The following PDE6B variants were observed in gnomAD, a reference collection of about 807,000 sequenced individuals.
The protein encoded by PDE6B is rod cGMP-specific 3',5'-cyclic phosphodiesterase subunit beta.
In PDE6B, 106 loss-of-function variants were observed where a neutral mutation model predicts 109.0. The observed-to-expected ratio is 0.97, with a 90% CI of 0.83 to 1.14. PDE6B has a LOEUF of 1.14. Among genes scored for constraint, PDE6B ranks in the 50% most tolerant of loss-of-function variants. PDE6B has a pLI of 0.00. For synonymous variants in PDE6B, 490 were observed against 471.3 expected, an observed-to-expected ratio of 1.04 and a Z score of -0.51; for missense variants, 1,193 against 1,155.6, an observed-to-expected ratio of 1.03 and a Z score of -0.47.
chr4:662,426 G>A lies in PDE6B; in HGVS notation c.1723-83G>A, dbSNP rs559505884. On this transcript the variant is annotated intron_variant, in intron 13 of 21. Transcript: ENST00000496514. This position sits in a 1 kb window ranked among gnomAD's most constrained non-coding sequence, Gnocchi z 4.3. ...TGGTCGGAGGTCCAACCTCCAACCC[G>A]ACGCCTAGGTCATCCCAACCCCTCA... 12 of 1,014,056 alleles carry A rather than the reference G, an allele frequency of 1.2e-5. No individual in the cohort carries two copies. The highest frequency in any genetic ancestry group is 2.2e-4 in the Middle Eastern group (1 of 4,648). The allele number at this position is 1,014,056 out of a possible 1,614,324, so 62.8% of individuals were successfully genotyped here. A position where few individuals can be genotyped will look rare whatever the true frequency, so the allele number is the denominator to read the frequency against.
At chr4:642,065 T>C (rs749825041) in intron 3 of PDE6B, among the ~76,000 whole-genome samples, 2 of 152,240 alleles carry the variant, frequency 1.3e-5, no homozygotes, top group Non-Finnish European at 2.9e-5. Flanking sequence ...TCTTGCCTTA[T>C]TGCACTAGCT....
intron 1 of PDE6B, among the ~76,000 whole-genome samples, chr4:629,854 G>A (rs1047303508): frequency 6.6e-6 from 1 of 152,180 alleles, no homozygotes; most frequent in Non-Finnish European, 1.5e-5. Context: ...CCAGAGCGAG[G>A]CCCAGCTGCT....
chr4:662,691 C>A lies in PDE6B; in HGVS notation c.1832+73C>A. On this transcript the variant is annotated intron_variant, in intron 14 of 21. Coordinates refer to ENST00000496514, the MANE Select transcript of PDE6B (RefSeq NM_000283.4). The surrounding 1 kb of genome is among the most constrained non-coding windows in gnomAD (Gnocchi z 4.3). The stretch of plus-strand genomic sequence containing the variant: ...CGCCCTTGGCGTGAATTAGGCTTCG[C>A]ATAGCAGGCTATGTAGAAAGTGGAG... The A allele has an allele frequency of 1.0e-6, 1 of 966,950 alleles. No homozygotes were observed. Among genetic ancestry groups the A allele is most frequent in the South Asian group, 1.3e-5 (1 of 77,154 alleles). The allele number at this position is 966,950 out of a possible 1,614,324, so 59.9% of individuals were successfully genotyped here.
At chr4:647,202 C>G (rs976627892) in intron 3 of PDE6B, among the ~76,000 whole-genome samples, 5 of 152,036 alleles carry the variant, frequency 3.3e-5, no homozygotes, top group African/African-American at 4.8e-5. Context: ...TTCCCAACTT[C>G]GTGTCACATC....
intron 20 of PDE6B, among the ~76,000 whole-genome samples, chr4:667,231 A>C (rs1288212339): frequency 6.6e-6 from 1 of 151,978 alleles, no homozygotes; most frequent in Non-Finnish European, 1.5e-5. Flanking sequence ...TGGTGATGGA[A>C]TCCACGCCCC....
intron 3 of PDE6B, 112 bp from the exon 4 acceptor site, chr4:653,740 T>G (rs1735822114): frequency 8.4e-7 from 1 of 1,195,790 alleles, no homozygotes; most frequent in Admixed American, 1.7e-5. Context: ...GGGCAGGTGG[T>G]CAGATCAGGG....
chr4:659,578 TGTGTGC>T (rs1736793284), intron 11 of PDE6B, among the ~76,000 whole-genome samples: 2 of 151,408 alleles, frequency 1.3e-5, no homozygotes, highest in African/African-American at 4.9e-5. Flanking sequence ...TGTGGGTGTG[TGTGTGC>T]ACATGTGGGT....
rs115062305 is a variant in PDE6B, at chr4:658,179, G to T, written c.1401+685G>T. 8.9e-3 allele frequency among the ~76,000 whole-genome samples: 1,238 copies of T among 139,552 alleles called. 27 individuals carry two copies. Among genetic ancestry groups the T allele is most frequent in the African/African-American group, 0.032 (1,181 of 36,802 alleles). 91.6% of individuals were successfully genotyped at this position (139,552 alleles called of 152,430 possible). Reference sequence around the variant, plus strand: ...CACCAGGGGTCATGGCTGTATGGTGGGGGCAAGTCGCCAGGGGTCACGGCT... The same window carrying T: ...CACCAGGGGTCATGGCTGTATGGTGTGGGCAAGTCGCCAGGGGTCACGGCT... On this transcript the variant is annotated intron_variant, in intron 10 of 21. Coordinates refer to ENST00000496514, the MANE Select transcript of PDE6B (RefSeq NM_000283.4).
intron 3 of PDE6B, among the ~76,000 whole-genome samples, chr4:645,200 G>A (rs1397572943): frequency 6.6e-6 from 1 of 151,618 alleles, no homozygotes; most frequent in Non-Finnish European, 1.5e-5. Flanking sequence ...ACTTACAGTG[G>A]GTTTTTTATA....
At position 626,377 on chromosome 4, in the gene PDE6B, C is replaced by T. The variant is rs906783638; in HGVS notation, c.468+283C>T. The stretch of plus-strand genomic sequence containing the variant: ...GGCTGAAGCAGACTCAGGCTCAAAC[C>T]GGGGTGCCCCTGATTCTGCATCCAC... On this transcript the variant is annotated intron_variant, in intron 1 of 21. Transcript: ENST00000496514. This position sits in a 1 kb window ranked among gnomAD's most constrained non-coding sequence, Gnocchi z 4.6. 5.3e-5 allele frequency among the ~76,000 whole-genome samples: 8 copies of T among 152,204 alleles called. No homozygotes were observed. Among genetic ancestry groups the T allele is most frequent in the Non-Finnish European group, 8.8e-5 (6 of 68,036 alleles).
In PDE6B at chr4:663,131, T is replaced by C. The variant is rs1316551854; in HGVS notation, c.1864T>C (p.Ser622Pro). ...GAACCCCTTGGCTAAGCTCCACGGC[T>C]CCTCGATTTTGGAGCGGCACCACCT... ...SQNPLAKLHG[S>P]SILERHHLEF... is the part of the protein sequence containing the mutation. Residue 622 changes from serine to proline, a missense_variant, in exon 15 of 22, where the codon TCC becomes CCC. Coordinates refer to ENST00000496514, the MANE Select transcript of PDE6B (RefSeq NM_000283.4). The surrounding 1 kb of genome is among the most constrained non-coding windows in gnomAD (Gnocchi z 4.0). 6.2e-7 allele frequency: 1 copy of C among 1,612,346 alleles called. No homozygotes were observed. The highest frequency in any genetic ancestry group is 1.1e-5 in the South Asian group (1 of 91,036).
Position 657,887 on chromosome 4 carries a change from G to A in PDE6B, c.1401+393G>A, listed in dbSNP as rs116534205. On this transcript the variant is annotated intron_variant, in intron 10 of 21. Coordinates refer to ENST00000496514, the MANE Select transcript of PDE6B (RefSeq NM_000283.4). Reference sequence around the variant, plus strand: ...GTGCGGCAGGGGCAGGTCGTCCAGGGGTCACCCAGGGGTCATGGCTGTGTG... The same window carrying A: ...GTGCGGCAGGGGCAGGTCGTCCAGGAGTCACCCAGGGGTCATGGCTGTGTG... Among the ~76,000 whole-genome samples the A allele has an allele frequency of 3.6e-3, 535 of 146,838 alleles. 15 individuals carry two copies. The highest frequency in any genetic ancestry group is 0.013 in the African/African-American group (502 of 38,254).
At chr4:634,947 T>A in intron 2 of PDE6B, 118 bp downstream of exon 2, 1 of 815,856 alleles carries the variant, frequency 1.2e-6, no homozygotes, top group Middle Eastern at 3.5e-4. Flanking sequence ...CCGTGTGTTC[T>A]CTGCTGCGTG....
chr4:668,635 CG>C (rs1488986260), intron 21 of PDE6B, among the ~76,000 whole-genome samples: 2 of 132,934 alleles, frequency 1.5e-5, no homozygotes, highest in East Asian at 2.1e-4. Flanking sequence ...ATGCTATTCC[CG>C]CTACCCCATG....
At chr4:642,753 A>AAAAAAAAAAAAAAT (rs1735008921) in intron 3 of PDE6B, among the ~76,000 whole-genome samples, 1 of 150,914 alleles carries the variant, frequency 6.6e-6, no homozygotes, top group Non-Finnish European at 1.5e-5. Context: ...AAAAAAAAGA[A>AAAAAAAAAAAAAAT]TGCCCTTAGC....
intron 21 of PDE6B, among the ~76,000 whole-genome samples, chr4:669,326 T>C: frequency 7.9e-6 from 1 of 125,864 alleles, no homozygotes; most frequent in Non-Finnish European, 1.6e-5. Flanking sequence ...CTATTCCCGC[T>C]ACCCCATGCT....
At chr4:664,702 G>A (rs1737578969) in intron 17 of PDE6B, among the ~76,000 whole-genome samples, 179 bp from the exon 18 acceptor site, 2 of 152,202 alleles carry the variant, frequency 1.3e-5, no homozygotes, top group South Asian at 4.1e-4. Flanking sequence ...TGTAATCCCA[G>A]CTACTCGGGA....
rs746510596 is a variant in PDE6B, at chr4:660,530, T to C, written c.1531T>C (p.Cys511Arg). Residue 511 changes from cysteine to arginine, a missense_variant, in exon 12 of 22, where the codon TGC (cysteine) becomes CGC (arginine). Coordinates refer to ENST00000496514, the MANE Select transcript of PDE6B (RefSeq NM_000283.4). ...IYEFHFSDLECTELDLVKCGI... is the reference protein window; with the variant it reads ...IYEFHFSDLERTELDLVKCGI... The stretch of plus-strand genomic sequence containing the variant: ...CGAATTCCACTTCTCTGACCTGGAG[T>C]GCACCGAACTGGACCTGGTCAAATG... 6.2e-7 allele frequency: 1 copy of C among 1,613,514 alleles called. No homozygotes were observed. Among genetic ancestry groups the C allele is most frequent in the Non-Finnish European group, 8.5e-7 (1 of 1,179,636 alleles).
Position 636,547 on chromosome 4 carries a change from G to T in PDE6B, c.711+578G>T, listed in dbSNP as rs1204134751. 2.0e-5 allele frequency among the ~76,000 whole-genome samples: 3 copies of T among 152,168 alleles called. No homozygotes were observed. Among genetic ancestry groups the T allele is most frequent in the Admixed American group, 6.5e-5 (1 of 15,284 alleles). On this transcript the variant is annotated intron_variant, in intron 3 of 21. Transcript: ENST00000496514. The surrounding 1 kb of genome is among the most constrained non-coding windows in gnomAD (Gnocchi z 4.5). ...TCCCGTCTGAGACCCTGGCTCAGGG[G>T]AGACCTGGATGGATAGTGAGTGGGC...
Sources: allele counts gnomAD v4.1 joint callset (sites outside exome capture counted in the v4.1 genomes callset), GRCh38; gene constraint gnomAD v4.1.1; non-coding constraint Gnocchi (gnomAD v3.1); transcripts MANE v1.5; gene names NCBI Gene and HGNC (gene_info 2026-07-23, HGNC 2026-07-21).